PDPK1: variants seen among roughly 807,000 people sequenced by gnomAD.
PDPK1 encodes the protein 3-phosphoinositide-dependent protein kinase 1.
PDPK1 carries 7 observed loss-of-function variants against 39.8 expected under a neutral mutation model. The observed-to-expected ratio is 0.18, with a 90% CI of 0.10 to 0.33. The LOEUF is 0.33. Among genes scored for constraint, PDPK1 ranks in the 10% least tolerant of loss-of-function variants. PDPK1 has a pLI of 1.00. For synonymous variants in PDPK1, 118 were observed against 159.1 expected (o/e 0.74, Z 1.95); for missense variants, 182 against 384.7 (o/e 0.47, Z 4.41).
intron 1 of PDPK1, among the ~76,000 whole-genome samples, chr16:2,546,394 C>T (rs185867894): frequency 2.6e-5 from 4 of 152,064 alleles, no homozygotes; most frequent in African/African-American, 7.2e-5. Context: ...AGTGCAGTGG[C>T]GCGATCTCGG....
At chr16:2,586,390 G>T (rs2066875388) in intron 10 of PDPK1, among the ~76,000 whole-genome samples, 2 of 152,212 alleles carry the variant, frequency 1.3e-5, no homozygotes, top group South Asian at 4.1e-4. Context: ...GGGCCCGCAG[G>T]GTAAGGGCCC....
intron 11 of PDPK1, among the ~76,000 whole-genome samples, chr16:2,589,543 C>T (rs1422197208): frequency 6.6e-6 from 1 of 151,914 alleles, no homozygotes; most frequent in African/African-American, 2.4e-5. Flanking sequence ...CAAAAATCAA[C>T]CAGGCATGGT....
chr16:2,587,194 T>C (rs1307359048), intron 11 of PDPK1, among the ~76,000 whole-genome samples: 1 of 152,186 alleles, frequency 6.6e-6, no homozygotes, highest in Non-Finnish European at 1.5e-5. Flanking sequence ...ACTTGGGAGT[T>C]TATGAGGTTT....
At chr16:2,588,951 A>G (rs1483764893) in intron 11 of PDPK1, among the ~76,000 whole-genome samples, 2 of 151,948 alleles carry the variant, frequency 1.3e-5, no homozygotes, top group East Asian at 1.9e-4. Flanking sequence ...GGTTTTTGGT[A>G]TCAATATGTT....
Position 2,557,913 on chromosome 16 carries a change from C to A in PDPK1, c.235C>A (p.Pro79Thr), listed in dbSNP as rs755452051. The A allele has an allele frequency of 3.7e-6, 6 of 1,612,108 alleles. No individual in the cohort carries two copies. In the African/African-American group the frequency reaches 8.1e-5, roughly 22 times the overall value. Reference sequence around the variant, plus strand: ...TCCGCCGCAGCCTCGGAAGAAGCGGCCTGAGGACTTCAAGTTTGGGAAAAT... The same window carrying A: ...TCCGCCGCAGCCTCGGAAGAAGCGGACTGAGGACTTCAAGTTTGGGAAAAT... ...QPPPQPRKKRPEDFKFGKILG... is the reference protein window; with the variant it reads ...QPPPQPRKKRTEDFKFGKILG... The change falls in exon 2 of 14, where the codon CCT (proline) becomes ACT (threonine). Residue 79 changes from proline (P) to threonine (T), a missense_variant. This residue lies in a region of PDPK1 where 8 missense variants were observed against 146.1 expected (regional missense o/e 0.05). Transcript: ENST00000342085.
intron 2 of PDPK1, among the ~76,000 whole-genome samples, chr16:2,558,624 C>T (rs1452595579): frequency 1.3e-5 from 2 of 149,002 alleles, no homozygotes; most frequent in South Asian, 2.1e-4. Context: ...CCCATGAAGC[C>T]GTGTGTGGTT....
chr16:2,552,179 A>G (rs2066427180), intron 1 of PDPK1, among the ~76,000 whole-genome samples: 1 of 148,096 alleles, frequency 6.8e-6, no homozygotes, highest in South Asian at 2.2e-4. Flanking sequence ...ACTATATTGC[A>G]CAGACTGGTC....
At chr16:2,592,903 G>T (rs1161342197) in intron 11 of PDPK1, 2 of 456,640 alleles carry the variant, frequency 4.4e-6, no homozygotes, top group Non-Finnish European at 8.8e-6. Flanking sequence ...GCCTGTCCGT[G>T]GGGCCCTTGC....
intron 1 of PDPK1, among the ~76,000 whole-genome samples, chr16:2,546,618 C>T (rs2066352761): frequency 6.6e-6 from 1 of 152,246 alleles, no homozygotes. Flanking sequence ...GTGTGAACCA[C>T]CGTGCCCGGC....
chr16:2,596,903 G>A lies in PDPK1; in HGVS notation c.1402-220G>A, dbSNP rs531982815. On this transcript the variant is annotated intron_variant, in intron 12 of 13. Coordinates refer to ENST00000342085, the MANE Select transcript of PDPK1 (RefSeq NM_002613.5). ...GCCATGGGCCCGATCTGGATGGGCT[G>A]TCTGCGCCATCTCAGCAGCAGAGGC... 1.5e-4 allele frequency among the ~76,000 whole-genome samples: 23 copies of A among 152,254 alleles called. No individual in the cohort carries two copies. The South Asian group carries it at 4.8e-3, about 32-fold the overall frequency.
intron 1 of PDPK1, among the ~76,000 whole-genome samples, chr16:2,556,745 C>T (rs1312480773): frequency 6.7e-6 from 1 of 148,804 alleles, no homozygotes; most frequent in Non-Finnish European, 1.5e-5. Flanking sequence ...AGGGGATCCA[C>T]CCGCCTCATC....
intron 1 of PDPK1, among the ~76,000 whole-genome samples, chr16:2,551,839 G>C (rs2066418106): frequency 1.3e-5 from 2 of 151,332 alleles, no homozygotes; most frequent in African/African-American, 4.8e-5. Flanking sequence ...GCTAATGTTT[G>C]TATCTTTAGT....
chr16:2,542,789 A>G (rs1271708950), intron 1 of PDPK1, among the ~76,000 whole-genome samples: 1 of 152,176 alleles, frequency 6.6e-6, no homozygotes, highest in Admixed American at 6.5e-5. Flanking sequence ...GTTTGAAGGT[A>G]GGTCTGGAGA....
At chr16:2,545,541 C>T (rs1467849673) in intron 1 of PDPK1, among the ~76,000 whole-genome samples, 5 of 152,060 alleles carry the variant, frequency 3.3e-5, no homozygotes, top group Non-Finnish European at 5.9e-5. Flanking sequence ...GTTCCCCAGG[C>T]TGGAGTGCAG....
At chr16:2,594,912 G>A (rs1243580158) in intron 11 of PDPK1, among the ~76,000 whole-genome samples, 1 of 152,140 alleles carries the variant, frequency 6.6e-6, no homozygotes, top group Non-Finnish European at 1.5e-5. Flanking sequence ...ACAAGGTCAG[G>A]AGATCGAGAC....
At chr16:2,541,904 A>G (rs1385354148) in intron 1 of PDPK1, among the ~76,000 whole-genome samples, 1 of 152,032 alleles carries the variant, frequency 6.6e-6, no homozygotes, top group African/African-American at 2.4e-5. Context: ...AAGAGTAACA[A>G]GGCATGGGTT....
At chr16:2,543,876 C>T (rs1333405264) in intron 1 of PDPK1, among the ~76,000 whole-genome samples, 3 of 148,014 alleles carry the variant, frequency 2.0e-5, no homozygotes, top group South Asian at 2.2e-4. Flanking sequence ...CACGTGCCAC[C>T]GCACCCGGCT....
intron 1 of PDPK1, among the ~76,000 whole-genome samples, chr16:2,540,009 A>T (rs1264052589): frequency 6.6e-6 from 1 of 152,242 alleles, no homozygotes; most frequent in African/African-American, 2.4e-5. Flanking sequence ...AGGAAGTGTC[A>T]CGAACGAGCG....
At chr16:2,592,708 T>G in intron 11 of PDPK1, 4 of 424,542 alleles carry the variant, frequency 9.4e-6, no homozygotes, top group Admixed American at 8.5e-5. Flanking sequence ...TTCCTGGAAG[T>G]GCTCACAGCA....
Sources: gnomAD v4.1 joint callset for allele counts (sites outside exome capture counted in the v4.1 genomes callset) on GRCh38, gnomAD v4.1.1 for gene constraint, gnomAD v4.1.1 regional missense constraint, MANE v1.5 for transcripts, NCBI Gene and HGNC (gene_info 2026-07-23, HGNC 2026-07-21) for gene names.